The following PSD3 variants were observed in gnomAD, a reference collection of about 807,000 sequenced individuals.
The protein encoded by PSD3 is PH and SEC7 domain-containing protein 3.
In PSD3, 49 loss-of-function variants were observed where a neutral mutation model predicts 105.5. The ratio of observed to expected loss-of-function variants is 0.46; its 90% CI spans 0.37 to 0.59. The LOEUF (loss-of-function observed/expected upper bound fraction) is 0.59. Ranked by LOEUF, PSD3 falls within the 20% of genes least tolerant of loss-of-function variation. PSD3 has a pLI of 0.00. For synonymous variants in PSD3, 557 were observed against 457.8 expected (o/e 1.22, Z -2.77); for missense variants, 1,561 against 1,263.8 (o/e 1.24, Z -3.57).
chr8:18,947,432 T>A (rs1822937828), intron 1 of PSD3, among the ~76,000 whole-genome samples: 1 of 152,182 alleles, frequency 6.6e-6, no homozygotes, highest in African/African-American at 2.4e-5. Context: ...AGGTCCATTC[T>A]CATTTTCCCA....
chr8:18,831,244 T>C (rs1230064342), intron 4 of PSD3, among the ~76,000 whole-genome samples: 2 of 152,224 alleles, frequency 1.3e-5, no homozygotes, highest in Admixed American at 6.5e-5. Context: ...AGTGAAAGTA[T>C]TAAATACACA....
intron 2 of PSD3, among the ~76,000 whole-genome samples, chr8:18,885,712 A>G (rs1299780335): frequency 6.6e-6 from 1 of 151,706 alleles, no homozygotes; most frequent in Non-Finnish European, 1.5e-5. Flanking sequence ...GATTCAGGCT[A>G]CAATCTGACA....
In PSD3 at chr8:18,535,840, G is replaced by A. The variant is rs774651657; in HGVS notation, c.3047C>T (p.Pro1016Leu). The A allele has an allele frequency of 1.3e-5, 21 of 1,614,072 alleles. No individual in the cohort carries two copies. The South Asian group carries it at 2.1e-4, about 16-fold the overall frequency. ...TTTGGCAGTGATTGGAGAAGTATCC[G>A]GGTTCAGCGAAGGACTCGAGTGCGA... ...KKSHSSPSLNPDTSPITAKVK... is the reference protein window; with the variant it reads ...KKSHSSPSLNLDTSPITAKVK... The change falls in exon 16 of 16, where the codon CCG becomes CTG. Residue 1016 changes from proline to leucine, a missense_variant. Transcript: ENST00000327040.
chr8:18,943,760 C>T (rs574500623), intron 1 of PSD3, among the ~76,000 whole-genome samples: 2 of 152,202 alleles, frequency 1.3e-5, no homozygotes, highest in South Asian at 4.2e-4. Flanking sequence ...GCACTCTGGC[C>T]TAGGGGACAC....
At chr8:18,684,303 C>T (rs973297897) in intron 9 of PSD3, among the ~76,000 whole-genome samples, 1 of 151,658 alleles carries the variant, frequency 6.6e-6, no homozygotes, top group African/African-American at 2.4e-5. Flanking sequence ...GCAAGCAATT[C>T]ATTAACATTC....
chr8:18,898,347 T>C (rs1819286172), intron 2 of PSD3, among the ~76,000 whole-genome samples: 1 of 152,220 alleles, frequency 6.6e-6, no homozygotes, highest in East Asian at 1.9e-4. Context: ...GTTATCACTG[T>C]ATAATGACCT....
intron 11 of PSD3, among the ~76,000 whole-genome samples, chr8:18,619,857 T>C (rs1805975302): frequency 6.6e-6 from 1 of 152,206 alleles, no homozygotes. Context: ...TATTTTGAAA[T>C]GACCCTCCAA....
At chr8:18,957,495 C>A (rs1254908194) in intron 1 of PSD3, among the ~76,000 whole-genome samples, 2 of 151,118 alleles carry the variant, frequency 1.3e-5, no homozygotes, top group Non-Finnish European at 2.9e-5. Flanking sequence ...ACGGGCCCAA[C>A]AGCTAATTCC....
At chr8:18,828,485 A>G (rs568382430) in intron 4 of PSD3, among the ~76,000 whole-genome samples, 1 of 152,116 alleles carries the variant, frequency 6.6e-6, no homozygotes, top group Non-Finnish European at 1.5e-5. Context: ...TCTCTTGACA[A>G]AAGGTATTTT....
chr8:18,808,901 C>T, intron 4 of PSD3: 1 of 1,555,798 alleles, frequency 6.4e-7, no homozygotes, highest in East Asian at 2.3e-5. Context: ...AACCTGGCTC[C>T]CTGTGAGGTC....
At chr8:18,923,934 T>TG (rs1821194697) in intron 2 of PSD3, among the ~76,000 whole-genome samples, 1 of 151,864 alleles carries the variant, frequency 6.6e-6, no homozygotes, top group African/African-American at 2.4e-5. Flanking sequence ...TATACATATA[T>TG]TAAACACCAA....
Position 18,609,275 on chromosome 8 carries a change from G to A in PSD3, c.2411-8841C>T, listed in dbSNP as rs557007601. Among the ~76,000 whole-genome samples, 22 of 152,218 alleles carry A rather than the reference G, an allele frequency of 1.4e-4. No homozygotes were observed. In the South Asian group the frequency reaches 4.2e-3, roughly 29 times the overall value. ...CACCAAGAGTCTTGGCGTGAAGGCCGACAATGCAAATCCTGCCAGGCCAAG... is the reference window on the plus strand; with the variant it reads ...CACCAAGAGTCTTGGCGTGAAGGCCAACAATGCAAATCCTGCCAGGCCAAG... On this transcript the variant is annotated intron_variant, in intron 11 of 15. Transcript: ENST00000327040.
At chr8:18,772,233 A>G (rs956795676) in intron 8 of PSD3, among the ~76,000 whole-genome samples, 4 of 152,192 alleles carry the variant, frequency 2.6e-5, no homozygotes, top group African/African-American at 9.7e-5. Context: ...TAAACTTTTT[A>G]TATATATACG....
chr8:18,997,610 A>G (rs1351703688), intron 1 of PSD3, among the ~76,000 whole-genome samples: 1 of 152,008 alleles, frequency 6.6e-6, no homozygotes, highest in Non-Finnish European at 1.5e-5. Context: ...TCCAAACCGA[A>G]GCCCTTGCAA....
intron 4 of PSD3, chr8:18,865,114 T>G (rs1363830488): frequency 6.6e-6 from 1 of 150,950 alleles, no homozygotes; most frequent in African/African-American, 2.4e-5. Flanking sequence ...GCACAGTGAA[T>G]GAATCCGGCC....
At chr8:18,852,311 C>T (rs1296144872) in intron 4 of PSD3, among the ~76,000 whole-genome samples, 2 of 152,184 alleles carry the variant, frequency 1.3e-5, no homozygotes, top group South Asian at 2.1e-4. Context: ...TTTCACACAG[C>T]TGCACAGCTA....
chr8:18,609,984 T>A lies in PSD3; in HGVS notation c.2411-9550A>T, dbSNP rs151173214. On this transcript the variant is annotated intron_variant, in intron 11 of 15. Coordinates refer to ENST00000327040, the MANE Select transcript of PSD3 (RefSeq NM_015310.4). ...ATTCAGCAAGTGACAGTATTAATTA[T>A]CCCTGGTTTATAGCAGCGTGGTAGC... Among the ~76,000 whole-genome samples, 617 of 152,330 alleles carry A rather than the reference T, an allele frequency of 4.1e-3. 6 individuals carry two copies. The highest frequency in any genetic ancestry group is 0.014 in the African/African-American group (590 of 41,572).
At chr8:18,870,599 C>G (rs1361631729) in intron 3 of PSD3, among the ~76,000 whole-genome samples, 1 of 151,324 alleles carries the variant, frequency 6.6e-6, no homozygotes, top group African/African-American at 2.4e-5. Context: ...TTGATGGGTG[C>G]AGCAAACCAC....
At chr8:18,743,154 G>A (rs865865499) in intron 9 of PSD3, among the ~76,000 whole-genome samples, 1 of 152,132 alleles carries the variant, frequency 6.6e-6, no homozygotes, top group Non-Finnish European at 1.5e-5. Context: ...TTTGCCCTTT[G>A]AAGGTTCACT....
Sources: gnomAD v4.1 joint callset for allele counts (sites outside exome capture counted in the v4.1 genomes callset) on GRCh38, gnomAD v4.1.1 for gene constraint, MANE v1.5 for transcripts, NCBI Gene and HGNC (gene_info 2026-07-23, HGNC 2026-07-21) for gene names.